Variants in CECR2 observed in about 807,000 individuals in gnomAD.
CECR2 encodes chromatin remodeling regulator CECR2.
Under a neutral mutation model 154.5 loss-of-function variants are expected in CECR2, and 30 were observed. The observed-to-expected ratio is 0.19, with a 90% confidence interval of 0.15 to 0.26. The LOEUF (loss-of-function observed/expected upper bound fraction) is 0.26, where lower values mean the gene tolerates loss of function less well. Among genes scored for constraint, CECR2 ranks in the 10% least tolerant of loss-of-function variants. The probability of loss-of-function intolerance (pLI) is 1.00; values close to 1 mark genes in which losing one functional copy is unlikely to be tolerated. For missense variants in CECR2, 1,743 were observed against 1,829.3 expected (o/e 0.95, Z 0.86); for synonymous variants, 725 against 683.7 (o/e 1.06, Z -0.94).
intron 9 of CECR2, among the ~76,000 whole-genome samples, chr22:17,533,256 G>A (rs1224178857): frequency 6.6e-6 from 1 of 150,600 alleles, no homozygotes; most frequent in Non-Finnish European, 1.5e-5. Flanking sequence ...GGAGGCAGAG[G>A]TTGCAGTGTG....
chr22:17,541,209 C>T (rs770123498), intron 14 of CECR2, among the ~76,000 whole-genome samples: 8 of 152,184 alleles, frequency 5.3e-5, no homozygotes, highest in Non-Finnish European at 8.8e-5. Flanking sequence ...GCAATCCCAG[C>T]ACTTTGGGAG....
intron 9 of CECR2, among the ~76,000 whole-genome samples, chr22:17,531,048 T>C (rs761597468): frequency 6.6e-6 from 1 of 152,182 alleles, no homozygotes; most frequent in Non-Finnish European, 1.5e-5. Flanking sequence ...TTGGGTGATA[T>C]GTCTGGGTAA....
chr22:17,371,225 A>C (rs76957357), intron 1 of CECR2, among the ~76,000 whole-genome samples: 5,901 of 152,236 alleles, frequency 0.039, 321 homozygotes, highest in African/African-American at 0.12. Context: ...GGAAAATAAA[A>C]AGATCAAAAG....
chr22:17,453,020 C>T (rs1425863153), intron 1 of CECR2, among the ~76,000 whole-genome samples: 2 of 152,122 alleles, frequency 1.3e-5, no homozygotes, highest in Non-Finnish European at 2.9e-5. Flanking sequence ...AAATGTTTAT[C>T]GGATATTTAT....
intron 1 of CECR2, among the ~76,000 whole-genome samples, chr22:17,474,455 A>G (rs2055177098): frequency 6.6e-6 from 1 of 152,168 alleles, no homozygotes; most frequent in Non-Finnish European, 1.5e-5. Flanking sequence ...GGGACCATTT[A>G]AGCCTATTCG....
At chr22:17,442,579 C>A (rs1263831613) in intron 1 of CECR2, among the ~76,000 whole-genome samples, 2 of 152,224 alleles carry the variant, frequency 1.3e-5, no homozygotes, top group East Asian at 3.9e-4. Context: ...GATGGAATCT[C>A]ACTCTGTCGC....
chr22:17,465,793 ATTC>A (rs888085231), intron 1 of CECR2, among the ~76,000 whole-genome samples: 35 of 151,940 alleles, frequency 2.3e-4, no homozygotes, highest in African/African-American at 8.5e-4. Context: ...TAATTTTTGT[ATTC>A]TTAGTAGAGA....
chr22:17,405,128 G>A (rs972123283), intron 1 of CECR2, among the ~76,000 whole-genome samples: 1 of 151,988 alleles, frequency 6.6e-6, no homozygotes, highest in Admixed American at 6.6e-5. Context: ...GAAAGTTTTA[G>A]GCCAGGCATG....
chr22:17,520,578 C>G (rs1222371966), intron 8 of CECR2, among the ~76,000 whole-genome samples: 2 of 152,064 alleles, frequency 1.3e-5, no homozygotes, highest in Non-Finnish European at 2.9e-5. Context: ...TCCCCCAGTC[C>G]CCCACCCTCT....
upstream of CECR2, among the ~76,000 whole-genome samples, chr22:17,368,189 G>A (rs538232613): frequency 1.3e-5 from 2 of 152,270 alleles, no homozygotes; most frequent in South Asian, 4.1e-4. Context: ...GAGGGAGAGT[G>A]GAGGGGTAAT....
intron 2 of CECR2, among the ~76,000 whole-genome samples, chr22:17,493,141 T>A (rs1048791867): frequency 9.9e-5 from 15 of 152,050 alleles, no homozygotes; most frequent in African/African-American, 3.6e-4. Flanking sequence ...CTGGCTAATT[T>A]CTGTATTTTT....
intron 1 of CECR2, among the ~76,000 whole-genome samples, chr22:17,410,487 G>A (rs200730412): frequency 2.0e-5 from 3 of 149,762 alleles, no homozygotes; most frequent in African/African-American, 4.9e-5. Flanking sequence ...TCTCTCTGTC[G>A]CCCAGGCTGG....
At chr22:17,453,073 C>G (rs75479546) in intron 1 of CECR2, among the ~76,000 whole-genome samples, 7,167 of 152,198 alleles carry the variant, frequency 0.047, 439 homozygotes, top group African/African-American at 0.14. Flanking sequence ...TGACCACATT[C>G]TGGTACATTG....
chr22:17,396,912 CAG>C (rs973546137), intron 1 of CECR2, among the ~76,000 whole-genome samples: 1 of 152,108 alleles, frequency 6.6e-6, no homozygotes, highest in African/African-American at 2.4e-5. Flanking sequence ...GAGTAGGAGA[CAG>C]AATTAACTGC....
rs770463054 is a variant in CECR2, at chr22:17,548,183, G to C, written c.2896G>C (p.Gly966Arg). Residue 966 changes from glycine (G) to arginine (R), a missense_variant, in exon 17 of 19, where the codon GGT (glycine) becomes CGT (arginine). Transcript: ENST00000262608. ...PLPGLEEKPP[G>R]VGTSEGVYLT... ...GCCTGGCCTTGAAGAGAAACCACCA[G>C]GTGTTGGTACTTCAGAGGGGGTCTA... The C allele has an allele frequency of 6.4e-7, 1 of 1,574,750 alleles. No individual in the cohort carries two copies. The highest frequency in any genetic ancestry group is 2.3e-5 in the East Asian group (1 of 42,652).
intron 1 of CECR2, among the ~76,000 whole-genome samples, chr22:17,469,596 T>G (rs888925347): frequency 1.5e-5 from 2 of 136,396 alleles, no homozygotes; most frequent in Non-Finnish European, 1.6e-5. Context: ...TAACATTGTT[T>G]TTTTTTTTTT....
At chr22:17,552,261 G>T in intron 18 of CECR2, 119 bp downstream of exon 18, 3 of 860,282 alleles carry the variant, frequency 3.5e-6, no homozygotes, top group Admixed American at 4.9e-5. Flanking sequence ...CAGGAACTTT[G>T]CCTGTATCGT....
chr22:17,552,069 C>T lies in CECR2; in HGVS notation c.4316C>T (p.Pro1439Leu). 5 of 1,614,018 alleles carry T rather than the reference C, an allele frequency of 3.1e-6. No individual in the cohort carries two copies. Among genetic ancestry groups the T allele is most frequent in the Non-Finnish European group, 4.2e-6 (5 of 1,179,902 alleles). Residue 1439 changes from proline to leucine, a missense_variant, in exon 18 of 19, where the codon CCA (proline) becomes CTA (leucine). Transcript: ENST00000262608. ...CCGGTCCAGTCGCAGGCCTCGTTCC[C>T]AAAGACCCCCACAGCAGCAACATCA... ...MHPVQSQASF[P>L]KTPTAATSQE...
At chr22:17,388,136 G>A (rs1342354944) in intron 1 of CECR2, among the ~76,000 whole-genome samples, 4 of 152,016 alleles carry the variant, frequency 2.6e-5, no homozygotes, top group Non-Finnish European at 5.9e-5. Flanking sequence ...TATATTTTTA[G>A]TAGAGACGGG....
Sources: allele counts gnomAD v4.1 joint callset (sites outside exome capture counted in the v4.1 genomes callset), GRCh38; gene constraint gnomAD v4.1.1; transcripts MANE v1.5; gene names NCBI Gene and HGNC (gene_info 2026-07-23, HGNC 2026-07-21).